Variants in DEPDC1B observed in about 807,000 individuals in gnomAD.
The protein encoded by DEPDC1B is DEP domain containing 1B.
Under a neutral mutation model 66.5 loss-of-function variants are expected in DEPDC1B, and 51 were observed. That is an observed-to-expected ratio of 0.77 (90% CI 0.61 to 0.97). The LOEUF (loss-of-function observed/expected upper bound fraction) is 0.97. Ranked by LOEUF, DEPDC1B falls within the 50% of genes least tolerant of loss-of-function variation. The pLI is 0.00. For missense variants in DEPDC1B, 552 were observed against 637.1 expected (o/e 0.87, Z 1.44); for synonymous variants, 226 against 223.6 (o/e 1.01, Z -0.10).
chr5:60,691,203 G>A (rs561989487), intron 1 of DEPDC1B, among the ~76,000 whole-genome samples: 28 of 152,120 alleles, frequency 1.8e-4, no homozygotes, highest in Non-Finnish European at 2.5e-4. Flanking sequence ...ACAGGCATGC[G>A]CCACCACACC....
intron 2 of DEPDC1B, among the ~76,000 whole-genome samples, chr5:60,682,100 A>T (rs1754307959): frequency 6.6e-6 from 1 of 152,184 alleles, no homozygotes; most frequent in Non-Finnish European, 1.5e-5. Context: ...ATAAAAATGA[A>T]GAAAAAACCA....
chr5:60,699,724 C>T (rs1002548888), intron 1 of DEPDC1B, among the ~76,000 whole-genome samples: 5 of 152,142 alleles, frequency 3.3e-5, no homozygotes, highest in African/African-American at 1.2e-4. Context: ...CCGACCGGGT[C>T]GGTTAGATTC....
intron 1 of DEPDC1B, among the ~76,000 whole-genome samples, chr5:60,689,326 G>A (rs1408391311): frequency 1.3e-5 from 2 of 152,178 alleles, no homozygotes; most frequent in African/African-American, 4.8e-5. Flanking sequence ...TATCAGTGAG[G>A]AGGAAATCAG....
At chr5:60,628,256 T>G (rs560979756) in intron 7 of DEPDC1B, 1 of 152,220 alleles carries the variant, frequency 6.6e-6, no homozygotes, top group Non-Finnish European at 1.5e-5. Context: ...TACATCAGAT[T>G]TCTATTTTCA....
At chr5:60,685,758 T>C (rs973011250) in intron 2 of DEPDC1B, among the ~76,000 whole-genome samples, 1 of 152,194 alleles carries the variant, frequency 6.6e-6, no homozygotes, top group Non-Finnish European at 1.5e-5. Context: ...GAAATAATCA[T>C]TTAAGAATTC....
At chr5:60,599,819 T>C (rs1752168150) in intron 9 of DEPDC1B, among the ~76,000 whole-genome samples, 1 of 152,236 alleles carries the variant, frequency 6.6e-6, no homozygotes, top group Non-Finnish European at 1.5e-5. Context: ...GTAAATCTTA[T>C]GACTGGCTTG....
chr5:60,699,443 G>GA (rs528758437), intron 1 of DEPDC1B, among the ~76,000 whole-genome samples: 3,891 of 89,318 alleles, frequency 0.044, 236 homozygotes, highest in East Asian at 0.21. Flanking sequence ...TTTTCTCCCA[G>GA]AAAAAAAAAA....
chr5:60,632,715 C>A (rs1326744867), intron 7 of DEPDC1B, among the ~76,000 whole-genome samples: 1 of 152,262 alleles, frequency 6.6e-6, no homozygotes, highest in African/African-American at 2.4e-5. Flanking sequence ...GGCAAACTAG[C>A]AGGGGTCCCT....
At chr5:60,649,283 C>T (rs1753388765) in intron 2 of DEPDC1B, among the ~76,000 whole-genome samples, 1 of 152,078 alleles carries the variant, frequency 6.6e-6, no homozygotes, top group African/African-American at 2.4e-5. Context: ...TCTTATATTC[C>T]CATAACCAGA....
chr5:60,680,169 G>C (rs1754265980), intron 2 of DEPDC1B, among the ~76,000 whole-genome samples: 1 of 152,164 alleles, frequency 6.6e-6, no homozygotes, highest in South Asian at 2.1e-4. Context: ...TTAAGACACA[G>C]ACAACAGCAC....
chr5:60,621,985 A>C (rs938783291), intron 7 of DEPDC1B, among the ~76,000 whole-genome samples: 1 of 152,126 alleles, frequency 6.6e-6, no homozygotes, highest in Non-Finnish European at 1.5e-5. Context: ...AGTTATATTA[A>C]ATAAAACCCT....
intron 7 of DEPDC1B, among the ~76,000 whole-genome samples, chr5:60,611,845 G>A (rs1290681609): frequency 2.0e-5 from 3 of 152,214 alleles, no homozygotes; most frequent in East Asian, 1.9e-4. Flanking sequence ...AGGTGAAGCA[G>A]CAAGGGTTAA....
intron 7 of DEPDC1B, among the ~76,000 whole-genome samples, chr5:60,619,562 C>T (rs1752652152): frequency 6.6e-6 from 1 of 152,062 alleles, no homozygotes; most frequent in Non-Finnish European, 1.5e-5. Context: ...GAATAAAATA[C>T]CTAGGAATCC....
In DEPDC1B at chr5:60,671,301, A is replaced by G. The variant is rs1049183729; in HGVS notation, c.314+15661T>C. The stretch of plus-strand genomic sequence containing the variant: ...GGTTTCCACTCAAGAAGAAAGCACC[A>G]ACGTGTGGGCAAGCGGATCTGTGAA... On this transcript the variant is annotated intron_variant, in intron 2 of 10. Transcript: ENST00000265036. Among the ~76,000 whole-genome samples the G allele has an allele frequency of 4.3e-4, 65 of 152,334 alleles. 2 individuals carry two copies. Among genetic ancestry groups the G allele is most frequent in the Admixed American group, 2.6e-4 (4 of 15,304 alleles).
intron 7 of DEPDC1B, among the ~76,000 whole-genome samples, chr5:60,634,159 T>C (rs889324672): frequency 1.1e-4 from 17 of 152,182 alleles, no homozygotes; most frequent in Admixed American, 9.8e-4. Flanking sequence ...CTTCTAAGAA[T>C]TTAATCTGCC....
At chr5:60,670,955 G>A (rs944757954) in intron 2 of DEPDC1B, among the ~76,000 whole-genome samples, 3 of 152,128 alleles carry the variant, frequency 2.0e-5, no homozygotes, top group Non-Finnish European at 2.9e-5. Context: ...TTACACAATC[G>A]GGGCAGGGAG....
At position 60,603,456 on chromosome 5, in the gene DEPDC1B, G is replaced by C; in HGVS notation, c.1177C>G (p.Leu393Val). 1 of 1,612,780 alleles carries C rather than the reference G, an allele frequency of 6.2e-7. No individual in the cohort carries two copies. The highest frequency in any genetic ancestry group is 8.5e-7 in the Non-Finnish European group (1 of 1,179,542). ...TFLMDNYQEI[L>V]KVPLALQTSI... Reference sequence around the variant, plus strand: ...GTCTGCAAGGCCAAAGGGACTTTCAGAATTTCCTGGTAATTGTCCATCAGA... The same window carrying C: ...GTCTGCAAGGCCAAAGGGACTTTCACAATTTCCTGGTAATTGTCCATCAGA... Residue 393 changes from leucine to valine, a missense_variant, in exon 9 of 11, where the codon CTG (leucine) becomes GTG (valine). Physicochemically the swap from Leu to Val is conservative, Grantham distance 32. Coordinates refer to ENST00000265036, the MANE Select transcript of DEPDC1B (RefSeq NM_018369.3).
intron 1 of DEPDC1B, among the ~76,000 whole-genome samples, chr5:60,689,794 C>T (rs532690934): frequency 9.2e-5 from 14 of 152,208 alleles, no homozygotes; most frequent in African/African-American, 2.9e-4. Context: ...CTAATCCCAG[C>T]ACTTTGAGAG....
rs202045424 is a variant in DEPDC1B, at chr5:60,605,699, G to A, written c.1056C>T (p.Thr352=). Residue 352 remains threonine (T), a synonymous_variant, in exon 8 of 11, where the codon ACC becomes ACT. Transcript: ENST00000265036. ...TTAAAAATCAACCTACCAGTGTTCGGGTACCAAAGCCATCACACAGGGGTG... is the reference window on the plus strand; with the variant it reads ...TTAAAAATCAACCTACCAGTGTTCGAGTACCAAAGCCATCACACAGGGGTG... ...EMPPLCDGFG[T]RTLMVQTFSR... is the part of the protein sequence containing the mutation. 3 of 1,609,800 alleles carry A rather than the reference G, an allele frequency of 1.9e-6. No homozygotes were observed. The African/African-American group carries it at 4.0e-5, about 22-fold the overall frequency.
Sources: gnomAD v4.1 joint callset for allele counts (sites outside exome capture counted in the v4.1 genomes callset) on GRCh38, gnomAD v4.1.1 for gene constraint, MANE v1.5 for transcripts, NCBI Gene and HGNC (gene_info 2026-07-23, HGNC 2026-07-21) for gene names.